MTA3: variants seen among roughly 807,000 people sequenced by gnomAD.
MTA3 encodes metastasis associated 1 family member 3, also known as metastasis-associated protein MTA3.
A neutral mutation model predicts 83.5 loss-of-function variants in MTA3; 34 were observed. That is an observed-to-expected ratio of 0.41 (90% CI 0.31 to 0.54). The LOEUF (loss-of-function observed/expected upper bound fraction) is 0.54, where lower values mean the gene tolerates loss of function less well. MTA3 is among the 20% of genes least tolerant of loss of function. MTA3 has a pLI of 0.33. For synonymous variants in MTA3, 303 were observed against 252.7 expected, an observed-to-expected ratio of 1.20 and a Z score of -1.89; for missense variants, 761 against 726.4, an observed-to-expected ratio of 1.05 and a Z score of -0.55.
In MTA3 at chr2:42,753,380, C is replaced by G. The variant is rs1004797951; in HGVS notation, c.1766C>G (p.Thr589Arg). ...TGTTACTTCCCTTTTCTAGAACTCA[C>G]GTGCTGTGTGTCAGACTGAGCTTTC... ...YSHHNGLDELTCCVSD is the reference protein window; with the variant it reads ...YSHHNGLDELRCCVSD Residue 589 changes from threonine to arginine, a missense_variant, in exon 17 of 17, where the codon ACG becomes AGG. By Grantham distance (71) the Thr-to-Arg change is moderately conservative. Transcript: ENST00000405094. The G allele has an allele frequency of 1.2e-5, 19 of 1,550,438 alleles. No homozygotes were observed. Among genetic ancestry groups the G allele is most frequent in the African/African-American group, 4.1e-5 (3 of 73,040 alleles).
At position 42,749,791 on chromosome 2, in the gene MTA3, C is replaced by T. The variant is rs531143913; in HGVS notation, c.1760-3583C>T. Among the ~76,000 whole-genome samples, 33 of 152,104 alleles carry T rather than the reference C, an allele frequency of 2.2e-4. No individual in the cohort carries two copies. The East Asian group carries it at 4.7e-3, about 21-fold the overall frequency. ...CCTCAAACAGTTGTTCTTTATATTT[C>T]GTCCAGAGTTTATCACTGTTACTGG... On this transcript the variant is annotated intron_variant, in intron 16 of 16. Transcript: ENST00000405094.
In MTA3 at chr2:42,754,983, A is replaced by C. The variant is rs960959017; in HGVS notation, c.*1584A>C. 4 of 984,560 alleles carry C rather than the reference A, an allele frequency of 4.1e-6. No homozygotes were observed. In the African/African-American group the frequency reaches 7.0e-5, roughly 17 times the overall value. 61.0% of individuals were successfully genotyped at this position (984,560 alleles called of 1,614,324 possible). ...GCATGGGATGTCTCCACCACCACCC[A>C]CTCTTGGAGCTGTGCTGGGTCTTGG... On this transcript the variant is annotated 3_prime_UTR_variant, in exon 17 of 17. Transcript: ENST00000405094.
chr2:42,620,303 G>C lies in MTA3; in HGVS notation c.317+10719G>C, dbSNP rs187740985. Among the ~76,000 whole-genome samples, 784 of 152,052 alleles carry C rather than the reference G, an allele frequency of 5.2e-3. 10 individuals carry two copies. Among genetic ancestry groups the C allele is most frequent in the African/African-American group, 0.017 (711 of 41,466 alleles). On this transcript the variant is annotated intron_variant, in intron 4 of 16. Coordinates refer to ENST00000405094, the MANE Select transcript of MTA3 (RefSeq NM_001330442.2). ...CTGGCTTATTTTTGTATTTTTAATA[G>C]AGACGGTGTTTTACCATGTTGGCCA... is the stretch of plus-strand genomic sequence containing the variant.
intron 11 of MTA3, among the ~76,000 whole-genome samples, 157 bp downstream of exon 11, chr2:42,697,991 G>A (rs1693539002): frequency 6.6e-6 from 1 of 152,124 alleles, no homozygotes. Context: ...CAATAAAAAG[G>A]AGCCAGTGAG....
At chr2:42,624,212 A>G (rs1485026304) in intron 4 of MTA3, among the ~76,000 whole-genome samples, 2 of 152,156 alleles carry the variant, frequency 1.3e-5, no homozygotes, top group African/African-American at 4.8e-5. Context: ...TTATTTCAAT[A>G]AAACTGAATT....
intron 2 of MTA3, among the ~76,000 whole-genome samples, chr2:42,522,792 G>A (rs2103696974): frequency 6.7e-6 from 1 of 149,098 alleles, no homozygotes; most frequent in Non-Finnish European, 1.5e-5. Flanking sequence ...GAAGAAGGGA[G>A]ATCAACATGT....
At chr2:42,564,274 G>A (rs113538802), upstream of MTA3, among the ~76,000 whole-genome samples, 132 of 152,312 alleles carry the variant, frequency 8.7e-4, 2 homozygotes, top group African/African-American at 3.0e-3. Flanking sequence ...CCTTCTTGTG[G>A]AAGCAGCCAA....
At chr2:42,496,767 C>G (rs1323649431) in intron 2 of MTA3, among the ~76,000 whole-genome samples, 1 of 152,168 alleles carries the variant, frequency 6.6e-6, no homozygotes, top group Non-Finnish European at 1.5e-5. Flanking sequence ...TCTGCTCACT[C>G]TGTTTCCAGG....
intron 9 of MTA3, among the ~76,000 whole-genome samples, chr2:42,683,921 A>T (rs1434229421): frequency 6.6e-6 from 1 of 152,096 alleles, no homozygotes; most frequent in Non-Finnish European, 1.5e-5. Context: ...TATATTTTTT[A>T]TTATTAAAAA....
At chr2:42,516,447 C>A (rs1417143840) in intron 2 of MTA3, among the ~76,000 whole-genome samples, 2 of 152,198 alleles carry the variant, frequency 1.3e-5, no homozygotes, top group Non-Finnish European at 2.9e-5. Context: ...ACCCATCTCA[C>A]TTCCATAGGT....
At chr2:42,724,357 C>T (rs527798085) in intron 16 of MTA3, among the ~76,000 whole-genome samples, 113 of 138,006 alleles carry the variant, frequency 8.2e-4, no homozygotes, top group Non-Finnish European at 1.5e-3. Flanking sequence ...GGTAAAAAGA[C>T]TGTCGTTGTG....
chr2:42,567,733 A>G (rs1178631109), upstream of MTA3, among the ~76,000 whole-genome samples: 1 of 152,002 alleles, frequency 6.6e-6, no homozygotes, highest in Non-Finnish European at 1.5e-5. Context: ...AACCATTTAG[A>G]AGCTTTAGGC....
intron 3 of MTA3, among the ~76,000 whole-genome samples, chr2:42,587,888 G>T (rs1026274686): frequency 4.6e-5 from 7 of 151,970 alleles, no homozygotes; most frequent in African/African-American, 1.2e-4. Flanking sequence ...AGGTGTCCCT[G>T]GTGTACTAAC....
intron 2 of MTA3, among the ~76,000 whole-genome samples, chr2:42,560,132 C>T (rs1381324506): frequency 2.0e-5 from 3 of 152,034 alleles, no homozygotes; most frequent in Non-Finnish European, 4.4e-5. Context: ...AAGCGATTCT[C>T]CCGCCTCAGC....
rs867052005 is a variant in MTA3, at chr2:42,505,253, G to A, written c.-141+9999G>A. ...TAAAAATACAAAAAATTAGCCCGGC[G>A]TGGTGGCATGCACCTGTAGTCCCAG... On this transcript the variant is annotated intron_variant, in intron 2 of 17. Transcript: ENST00000405592. 5.3e-5 allele frequency among the ~76,000 whole-genome samples: 8 copies of A among 152,022 alleles called. No homozygotes were observed. The South Asian group carries it at 6.2e-4, about 12-fold the overall frequency.
At position 42,656,375 on chromosome 2, in the gene MTA3, T is replaced by C. The variant is rs1689173166; in HGVS notation, c.602+73T>C. On this transcript the variant is annotated intron_variant, in intron 7 of 16. Transcript: ENST00000405094. ...AAGAATTTATAGGTATATGTATTTT[T>C]ATTTCTTTGTATTCTGCTTTTCTCC... 1.9e-5 allele frequency: 17 copies of C among 872,256 alleles called. No homozygotes were observed. The South Asian group carries it at 3.8e-4, about 19-fold the overall frequency. The allele number at this position is 872,256 out of a possible 1,614,324, so 54.0% of individuals were successfully genotyped here.
At chr2:42,699,371 T>C (rs1355915417) in intron 11 of MTA3, among the ~76,000 whole-genome samples, 1 of 152,150 alleles carries the variant, frequency 6.6e-6, no homozygotes, top group Non-Finnish European at 1.5e-5. Flanking sequence ...CCGACTAATT[T>C]ATTTTTTATA....
At chr2:42,708,326 CT>C (rs1329097821) in intron 13 of MTA3, among the ~76,000 whole-genome samples, 1 of 152,126 alleles carries the variant, frequency 6.6e-6, no homozygotes, top group African/African-American at 2.4e-5. Context: ...TGTTTAATTG[CT>C]TTTGAAAACA....
intron 2 of MTA3, among the ~76,000 whole-genome samples, chr2:42,571,928 C>G (rs1678531874): frequency 7.1e-6 from 1 of 140,976 alleles, no homozygotes; most frequent in African/African-American, 2.7e-5. Flanking sequence ...GCCTGGGCAA[C>G]AAGAGTGAAA....
Sources: gnomAD v4.1 joint callset for allele counts (sites outside exome capture counted in the v4.1 genomes callset) on GRCh38, gnomAD v4.1.1 for gene constraint, MANE v1.5 for transcripts, NCBI Gene and HGNC (gene_info 2026-07-23, HGNC 2026-07-21) for gene names.